C1QTNF3: variants seen among roughly 807,000 people sequenced by gnomAD.
The protein encoded by C1QTNF3 is complement C1q tumor necrosis factor-related protein 3.
Under a neutral mutation model 32.6 loss-of-function variants are expected in C1QTNF3, and 26 were observed. The observed-to-expected ratio is 0.80, with a 90% CI of 0.58 to 1.11. The LOEUF is 1.11. C1QTNF3 is among the 50% of genes least tolerant of loss of function. C1QTNF3 has a pLI of 0.00. For synonymous variants in C1QTNF3, 155 were observed against 146.0 expected (o/e 1.06, Z -0.44); for missense variants, 362 against 398.2 (o/e 0.91, Z 0.77).
the C1QTNF3 span, among the ~76,000 whole-genome samples, chr5:34,142,693 C>T: frequency 2.6e-5 from 4 of 152,174 alleles, no homozygotes; most frequent in Non-Finnish European, 4.4e-5. Context: ...ATATACTTCC[C>T]CGTGAAACCA....
chr5:34,132,048 T>C, the C1QTNF3 span, among the ~76,000 whole-genome samples: 1 of 152,142 alleles, frequency 6.6e-6, no homozygotes, highest in African/African-American at 2.4e-5. Context: ...ATAAAAATTG[T>C]GATGACTCGT....
chr5:34,134,575 T>C, the C1QTNF3 span, among the ~76,000 whole-genome samples: 2 of 152,222 alleles, frequency 1.3e-5, no homozygotes, highest in African/African-American at 4.8e-5. Context: ...AAAACTTTCC[T>C]GGAGGCTTAA....
In C1QTNF3 at chr5:34,042,958, T is replaced by C. The variant is rs1754909227; in HGVS notation, c.168A>G (p.Lys56=). ...TTTTAGGATGGCTCCGCTCTCTCAC[T>C]TTCTCCCTCCTGGAGCCGCTACGGC... ...QTGRSGSRRE[K]VRERSHPKTG... Residue 56 remains lysine (K), a synonymous_variant, in exon 1 of 6, where the codon AAA becomes AAG. Transcript: ENST00000382065. 1 of 1,614,228 alleles carries C rather than the reference T, an allele frequency of 6.2e-7. No individual in the cohort carries two copies. Among genetic ancestry groups the C allele is most frequent in the Non-Finnish European group, 8.5e-7 (1 of 1,180,042 alleles).
intron 5 of C1QTNF3, among the ~76,000 whole-genome samples, chr5:34,022,051 A>G (rs1754342862): frequency 6.6e-6 from 1 of 152,246 alleles, no homozygotes; most frequent in Non-Finnish European, 1.5e-5. Flanking sequence ...GGGTAACTCC[A>G]TTAACTTGAG....
chr5:34,082,099 A>G, the C1QTNF3 span, among the ~76,000 whole-genome samples: 2 of 151,732 alleles, frequency 1.3e-5, no homozygotes, highest in African/African-American at 4.9e-5. Flanking sequence ...ATCTGTTTCC[A>G]CATTCAATTT....
At chr5:34,028,047 A>C (rs1754517066) in intron 4 of C1QTNF3, among the ~76,000 whole-genome samples, 1 of 151,706 alleles carries the variant, frequency 6.6e-6, no homozygotes, top group Non-Finnish European at 1.5e-5. Flanking sequence ...ATCTCCGCTC[A>C]CTGCAAGCTC....
chr5:34,077,037 C>T, the C1QTNF3 span, among the ~76,000 whole-genome samples: 1 of 151,778 alleles, frequency 6.6e-6, no homozygotes, highest in Non-Finnish European at 1.5e-5. Flanking sequence ...GTTATAACGC[C>T]ACACAGGAAC....
At chr5:34,230,707 A>G in the C1QTNF3 span, among the ~76,000 whole-genome samples, 1 of 152,304 alleles carries the variant, frequency 6.6e-6, no homozygotes, top group South Asian at 2.1e-4. Context: ...CAAGTGTTCA[A>G]TATCTACATG....
the C1QTNF3 span, among the ~76,000 whole-genome samples, chr5:34,208,040 T>C: frequency 3.3e-5 from 5 of 152,338 alleles, no homozygotes; most frequent in African/African-American, 1.2e-4. Context: ...TCTGCCCACC[T>C]TGGCCTCCCA....
At chr5:34,145,808 G>A in the C1QTNF3 span, among the ~76,000 whole-genome samples, 1 of 151,278 alleles carries the variant, frequency 6.6e-6, no homozygotes, top group Non-Finnish European at 1.5e-5. Context: ...AATTCACCAT[G>A]ATCAACAAGG....
At chr5:34,027,035 G>C in intron 4 of C1QTNF3, among the ~76,000 whole-genome samples, 1 of 152,080 alleles carries the variant, frequency 6.6e-6, no homozygotes, top group East Asian at 1.9e-4. Context: ...ATTGTACCTA[G>C]GTTCATTATT....
At chr5:34,076,050 T>C in the C1QTNF3 span, among the ~76,000 whole-genome samples, 6 of 151,682 alleles carry the variant, frequency 4.0e-5, no homozygotes, top group Non-Finnish European at 7.3e-5. Context: ...ATTACACATG[T>C]ATGAGGTAGC....
At chr5:34,133,163 T>A in the C1QTNF3 span, among the ~76,000 whole-genome samples, 1 of 152,210 alleles carries the variant, frequency 6.6e-6, no homozygotes, top group Non-Finnish European at 1.5e-5. Context: ...CTTTGCATAT[T>A]AGTTACGTGT....
the C1QTNF3 span, among the ~76,000 whole-genome samples, chr5:34,066,103 T>C: frequency 2.0e-5 from 3 of 152,268 alleles, no homozygotes; most frequent in Non-Finnish European, 4.4e-5. Context: ...AGTTAAACTC[T>C]ATCATTTTGC....
chr5:34,118,102 CAG>C, the C1QTNF3 span, among the ~76,000 whole-genome samples: 1 of 151,918 alleles, frequency 6.6e-6, no homozygotes. Context: ...TTTCTTTAGA[CAG>C]AGTCTCACTC....
chr5:34,021,747 C>T (rs1754334138), intron 5 of C1QTNF3, among the ~76,000 whole-genome samples: 2 of 152,134 alleles, frequency 1.3e-5, no homozygotes, highest in South Asian at 4.1e-4. Flanking sequence ...GGGAACATCA[C>T]ACACCAGGAC....
chr5:34,045,524 T>A (rs759863932), upstream of C1QTNF3, among the ~76,000 whole-genome samples: 2 of 152,234 alleles, frequency 1.3e-5, no homozygotes, highest in African/African-American at 2.4e-5. Flanking sequence ...GCTAGCCAAG[T>A]ACTACTTTGC....
the C1QTNF3 span, among the ~76,000 whole-genome samples, chr5:34,052,629 A>C: frequency 6.6e-6 from 1 of 152,214 alleles, no homozygotes; most frequent in African/African-American, 2.4e-5. Flanking sequence ...CATGATATCT[A>C]TCTTACATGG....
At chr5:34,235,830 T>A in the C1QTNF3 span, among the ~76,000 whole-genome samples, 1 of 152,274 alleles carries the variant, frequency 6.6e-6, no homozygotes, top group African/African-American at 2.4e-5. Flanking sequence ...AGCTGGTGAT[T>A]TCTATATTAC....
Sources: gnomAD v4.1 joint callset for allele counts (sites outside exome capture counted in the v4.1 genomes callset) on GRCh38, gnomAD v4.1.1 for gene constraint, MANE v1.5 for transcripts, NCBI Gene and HGNC (gene_info 2026-07-23, HGNC 2026-07-21) for gene names.